Variants in OCIAD2 observed in about 807,000 individuals in gnomAD.
OCIAD2 encodes OCIA domain-containing protein 2.
Under a neutral mutation model 22.9 loss-of-function variants are expected in OCIAD2, and 29 were observed. The ratio of observed to expected loss-of-function variants is 1.27; its 90% CI spans 0.94 to 1.73. The LOEUF (loss-of-function observed/expected upper bound fraction) is 1.73. Ranked by LOEUF, OCIAD2 falls within the 40% of genes most tolerant of loss-of-function variation. The pLI, the probability that OCIAD2 is intolerant of heterozygous loss-of-function variation, is 0.00. For missense variants in OCIAD2, 189 were observed against 180.3 expected (o/e 1.05, Z -0.28); for synonymous variants, 67 against 60.2 (o/e 1.11, Z -0.52).
At chr4:48,894,677 A>G (rs1368498012) in intron 4 of OCIAD2, among the ~76,000 whole-genome samples, 2 of 152,210 alleles carry the variant, frequency 1.3e-5, no homozygotes, top group Non-Finnish European at 2.9e-5. Flanking sequence ...CAAAGAGATT[A>G]GTCATCATCC....
chr4:48,885,257 G>C lies in OCIAD2; in HGVS notation c.*227C>G. 1 of 455,714 alleles carries C rather than the reference G, an allele frequency of 2.2e-6. No individual in the cohort carries two copies. The highest frequency in any genetic ancestry group is 3.9e-6 in the Non-Finnish European group (1 of 255,060). The allele number at this position is 455,714 out of a possible 1,614,324, so 28.2% of individuals were successfully genotyped here. A position where few individuals can be genotyped will look rare whatever the true frequency, so the allele number is the denominator to read the frequency against. ...GCCTGCCTCGGCCTCCCAAAGTACTGGGATTACAGGCATGAGCCACTGCGC... is the reference window on the plus strand; with the variant it reads ...GCCTGCCTCGGCCTCCCAAAGTACTCGGATTACAGGCATGAGCCACTGCGC... On this transcript the variant is annotated 3_prime_UTR_variant, in exon 7 of 7. Transcript: ENST00000508632.
intron 2 of OCIAD2, among the ~76,000 whole-genome samples, chr4:48,901,947 G>T (rs1447600840): frequency 1.3e-5 from 2 of 151,756 alleles, no homozygotes; most frequent in Non-Finnish European, 2.9e-5. Flanking sequence ...TGGGGGAGGC[G>T]TGGGGGGGGC....
intron 5 of OCIAD2, chr4:48,893,180 CG>C: frequency 5.1e-6 from 1 of 195,846 alleles, no homozygotes; most frequent in Non-Finnish European, 1.0e-5. Flanking sequence ...GTTGAGGCCA[CG>C]GGGGCAGGGG....
intron 3 of OCIAD2, among the ~76,000 whole-genome samples, chr4:48,898,917 T>C (rs1406334172): frequency 6.6e-6 from 1 of 152,150 alleles, no homozygotes. Flanking sequence ...ATTTTTCCAC[T>C]CATAGCTACC....
chr4:48,893,003 TGAATGAAGACTCTGA>T (rs1781216203), intron 5 of OCIAD2, 114 bp from the exon 6 acceptor site: 1 of 619,942 alleles, frequency 1.6e-6, no homozygotes, highest in Non-Finnish European at 2.9e-6. Context: ...GCTAAATCAA[TGAATGAAGACTCTGA>T]GAATGAAGTC....
chr4:48,891,851 A>G (rs1457002954), intron 6 of OCIAD2, among the ~76,000 whole-genome samples: 1 of 152,172 alleles, frequency 6.6e-6, no homozygotes, highest in East Asian at 1.9e-4. Context: ...AAAACAGATG[A>G]TCTGAGGTGA....
intron 2 of OCIAD2, among the ~76,000 whole-genome samples, chr4:48,901,177 A>G (rs1371532487): frequency 1.3e-5 from 2 of 151,864 alleles, no homozygotes; most frequent in East Asian, 1.9e-4. Context: ...ACTCAGCTCT[A>G]TGCTTTTAAG....
At chr4:48,905,408 G>A (rs74324763) in intron 1 of OCIAD2, among the ~76,000 whole-genome samples, 1 of 150,746 alleles carries the variant, frequency 6.6e-6, no homozygotes, top group African/African-American at 2.4e-5. Context: ...AGGGAATATC[G>A]AAAAGAGAAG....
At chr4:48,887,758 A>G (rs1373437352) in intron 6 of OCIAD2, among the ~76,000 whole-genome samples, 1 of 152,138 alleles carries the variant, frequency 6.6e-6, no homozygotes, top group Admixed American at 6.6e-5. Flanking sequence ...GTATAGTTTG[A>G]AGTCAGGTAG....
intron 4 of OCIAD2, among the ~76,000 whole-genome samples, chr4:48,896,053 CA>C (rs1029956745): frequency 6.6e-6 from 1 of 152,042 alleles, no homozygotes; most frequent in African/African-American, 2.4e-5. Flanking sequence ...AATAGACAAA[CA>C]AAAAACCCAT....
chr4:48,894,492 CA>C (rs904582268), intron 4 of OCIAD2, among the ~76,000 whole-genome samples: 4 of 149,190 alleles, frequency 2.7e-5, no homozygotes, highest in Non-Finnish European at 5.9e-5. Flanking sequence ...GACTCCATCT[CA>C]AAAAAAAAGA....
Position 48,885,453 on chromosome 4 carries a change from T to TA in OCIAD2, c.*30dup. 3 of 1,304,512 alleles carry TA rather than the reference T, an allele frequency of 2.3e-6. No homozygotes were observed. Among genetic ancestry groups the TA allele is most frequent in the Non-Finnish European group, 3.3e-6 (3 of 903,434 alleles). The allele number at this position is 1,304,512 out of a possible 1,614,324, so 80.8% of individuals were successfully genotyped here. ...TTAAATGTGTACAAATTCAGAGGTTTAAAAAACTTCGAAAGTCACAGACAC... is the reference window on the plus strand; with the variant it reads ...TTAAATGTGTACAAATTCAGAGGTTTAAAAAAACTTCGAAAGTCACAGACAC... On this transcript the variant is annotated 3_prime_UTR_variant, in exon 7 of 7. Transcript: ENST00000508632.
At chr4:48,896,958 G>A (rs1263594951) in intron 4 of OCIAD2, among the ~76,000 whole-genome samples, 4 of 152,182 alleles carry the variant, frequency 2.6e-5, no homozygotes, top group South Asian at 4.1e-4. Flanking sequence ...GAGGCAGGGA[G>A]AGGTTATGTG....
intron 2 of OCIAD2, among the ~76,000 whole-genome samples, chr4:48,903,052 T>G (rs1781449117): frequency 6.6e-6 from 1 of 152,240 alleles, no homozygotes; most frequent in African/African-American, 2.4e-5. Flanking sequence ...TAATTCTCCT[T>G]GTGACTTTCT....
At chr4:48,892,967 G>A (rs1781215142) in intron 5 of OCIAD2, 78 bp from the exon 6 acceptor site, 3 of 689,636 alleles carry the variant, frequency 4.4e-6, no homozygotes, top group East Asian at 2.7e-5. Flanking sequence ...AATCAACGCT[G>A]GTAATTTTAA....
In OCIAD2 at chr4:48,904,552, T is replaced by G; in HGVS notation, c.-3A>C. On this transcript the variant is annotated 5_prime_UTR_variant, in exon 2 of 7. Coordinates refer to ENST00000508632, the MANE Select transcript of OCIAD2 (RefSeq NM_001014446.3). ...CCACGAGCAGACGCTGAAGCCATGATGACTTTGTGCTTGCTCTCCTTCCAG... is the reference window on the plus strand; with the variant it reads ...CCACGAGCAGACGCTGAAGCCATGAGGACTTTGTGCTTGCTCTCCTTCCAG... 6.2e-7 allele frequency: 1 copy of G among 1,614,078 alleles called. No homozygotes were observed. Among genetic ancestry groups the G allele is most frequent in the Non-Finnish European group, 8.5e-7 (1 of 1,179,952 alleles).
Position 48,899,912 on chromosome 4 carries a change from C to G in OCIAD2, c.80G>C (p.Cys27Ser), listed in dbSNP as rs779391085. The G allele has an allele frequency of 3.1e-6, 5 of 1,613,260 alleles. No individual in the cohort carries two copies. The East Asian group carries it at 6.7e-5, about 22-fold the overall frequency. ...PPPSKQSLLF[C>S]PKSKLHIHRA... is the part of the protein sequence containing the mutation. Reference sequence around the variant, plus strand: ...GTGGATGTGCAGTTTTGATTTTGGACAAAACAACAGGCTCTGTAAGGAAAG... The same window carrying G: ...GTGGATGTGCAGTTTTGATTTTGGAGAAAACAACAGGCTCTGTAAGGAAAG... The change falls in exon 3 of 7, where the codon TGT becomes TCT. Residue 27 changes from cysteine (C) to serine (S), a missense_variant. Physicochemically the swap from Cys to Ser is moderately radical, Grantham distance 112. Transcript: ENST00000508632.
chr4:48,904,495 G>A lies in OCIAD2; in HGVS notation c.55C>T (p.Pro19Ser), dbSNP rs771344213. The change falls in exon 2 of 7, where the codon CCA becomes TCA. Residue 19 changes from proline to serine, a missense_variant. By Grantham distance (74) the Pro-to-Ser change is moderately conservative. Transcript: ENST00000508632. ...ATATAAAAGTATACCTGCTTGCTTG[G>A]TGGTGGAAAATGGGCATCTTTATCT... ...NQDKDAHFPP[P>S]SKQSLLFCPK... 17 of 1,613,760 alleles carry A rather than the reference G, an allele frequency of 1.1e-5. No homozygotes were observed. Among genetic ancestry groups the A allele is most frequent in the East Asian group, 8.9e-5 (4 of 44,888 alleles).
chr4:48,890,671 A>G (rs1233090162), intron 6 of OCIAD2, among the ~76,000 whole-genome samples: 1 of 152,210 alleles, frequency 6.6e-6, no homozygotes, highest in Non-Finnish European at 1.5e-5. Flanking sequence ...GATGTCCTTG[A>G]GTCCCTTCTT....
Sources: allele counts gnomAD v4.1 joint callset (sites outside exome capture counted in the v4.1 genomes callset), GRCh38; gene constraint gnomAD v4.1.1; transcripts MANE v1.5; gene names NCBI Gene and HGNC (gene_info 2026-07-23, HGNC 2026-07-21).